CNTN4: variants seen among roughly 807,000 people sequenced by gnomAD.
CNTN4 encodes the protein contactin 4.
CNTN4 carries 77 observed loss-of-function variants against 122.5 expected under a neutral mutation model. The observed-to-expected ratio is 0.63, with a 90% CI of 0.52 to 0.76. The LOEUF is 0.76. Among genes scored for constraint, CNTN4 ranks in the 30% least tolerant of loss-of-function variants. The pLI is 0.00. For missense variants in CNTN4, 1,256 were observed against 1,259.1 expected (o/e 1.00, Z 0.04); for synonymous variants, 512 against 447.0 (o/e 1.15, Z -1.83).
At chr3:2,712,514 A>G (rs186823612) in intron 4 of CNTN4, among the ~76,000 whole-genome samples, 17 of 152,310 alleles carry the variant, frequency 1.1e-4, no homozygotes, top group Admixed American at 7.8e-4. Context: ...TTTATTTAAT[A>G]TAAGTTTTAT....
intron 2 of CNTN4, among the ~76,000 whole-genome samples, chr3:2,142,647 T>A (rs949966204): frequency 1.3e-5 from 2 of 152,200 alleles, no homozygotes; most frequent in Non-Finnish European, 2.9e-5. Flanking sequence ...CTGGCTGATA[T>A]GCTTTCATTT....
chr3:2,353,232 G>A (rs1355469555), intron 3 of CNTN4, among the ~76,000 whole-genome samples: 4 of 152,130 alleles, frequency 2.6e-5, no homozygotes, highest in Admixed American at 6.5e-5. Context: ...CTAGAGGACT[G>A]TAAATGCACC....
At chr3:2,820,997 T>C (rs905215257) in intron 7 of CNTN4, among the ~76,000 whole-genome samples, 2 of 143,704 alleles carry the variant, frequency 1.4e-5, no homozygotes, top group African/African-American at 5.5e-5. Context: ...AGTCTCGCTT[T>C]GTCACCCAAT....
intron 5 of CNTN4, among the ~76,000 whole-genome samples, chr3:2,739,493 A>G (rs1468064138): frequency 6.6e-6 from 1 of 151,402 alleles, no homozygotes; most frequent in Non-Finnish European, 1.5e-5. Context: ...TCTCAAGAAC[A>G]TAATTTTGAG....
intron 4 of CNTN4, 176 bp from the exon 5 acceptor site, chr3:2,736,039 C>A: frequency 1.3e-6 from 1 of 749,130 alleles, no homozygotes; most frequent in Non-Finnish European, 2.4e-6. Context: ...TCATCATAAT[C>A]CACAGAAGAT....
chr3:2,693,195 G>C (rs2085838209), intron 4 of CNTN4, among the ~76,000 whole-genome samples: 1 of 151,896 alleles, frequency 6.6e-6, no homozygotes, highest in Admixed American at 6.6e-5. Flanking sequence ...TTGTTTCTTT[G>C]AGCTAAAATT....
chr3:3,004,250 A>G (rs1696371849), intron 14 of CNTN4, among the ~76,000 whole-genome samples: 1 of 151,910 alleles, frequency 6.6e-6, no homozygotes, highest in Non-Finnish European at 1.5e-5. Context: ...AGAGCTTGAC[A>G]TATTCTTAGG....
At chr3:2,615,588 A>T (rs1002287249) in intron 4 of CNTN4, among the ~76,000 whole-genome samples, 46 of 152,340 alleles carry the variant, frequency 3.0e-4, no homozygotes, top group African/African-American at 1.1e-3. Flanking sequence ...TCTAAAAAAA[A>T]ACTTAGAGGG....
chr3:2,585,475 G>A (rs1056112920), intron 4 of CNTN4, among the ~76,000 whole-genome samples: 18 of 152,200 alleles, frequency 1.2e-4, no homozygotes, highest in African/African-American at 2.6e-4. Flanking sequence ...TTAAGAAAAC[G>A]TGGCACATGT....
intron 4 of CNTN4, among the ~76,000 whole-genome samples, chr3:2,726,297 C>T (rs1253622529): frequency 6.6e-6 from 1 of 152,110 alleles, no homozygotes; most frequent in Non-Finnish European, 1.5e-5. Context: ...CCAATTTAAC[C>T]AAGAAAATGG....
At chr3:2,625,316 C>A (rs1030082856) in intron 4 of CNTN4, among the ~76,000 whole-genome samples, 1 of 152,114 alleles carries the variant, frequency 6.6e-6, no homozygotes, top group Non-Finnish European at 1.5e-5. Context: ...ATATTCTATT[C>A]TAAAACTATT....
At chr3:2,334,906 C>A (rs2043881522) in intron 2 of CNTN4, among the ~76,000 whole-genome samples, 1 of 152,114 alleles carries the variant, frequency 6.6e-6, no homozygotes, top group South Asian at 2.1e-4. Context: ...TAATAAATAA[C>A]CGACACACCT....
rs1183619874 is a variant in CNTN4, at chr3:2,877,630, C to T, written c.653-5515C>T. Among the ~76,000 whole-genome samples the T allele has an allele frequency of 3.9e-5, 6 of 152,022 alleles. No individual in the cohort carries two copies. In the East Asian group the frequency reaches 1.2e-3, roughly 29 times the overall value. On this transcript the variant is annotated intron_variant, in intron 8 of 24. Transcript: ENST00000418658. ...TCTACTTTGCCTTGGTTGTGTAGAC[C>T]TGGGTAGGTCTTTACATCTTCCCAC...
At chr3:2,646,291 C>T (rs1306367363) in intron 4 of CNTN4, among the ~76,000 whole-genome samples, 1 of 152,098 alleles carries the variant, frequency 6.6e-6, no homozygotes, top group East Asian at 1.9e-4. Flanking sequence ...TCTAGGACTT[C>T]ATAGTATTTT....
At chr3:2,170,020 A>C (rs1348210458) in intron 2 of CNTN4, among the ~76,000 whole-genome samples, 1 of 152,156 alleles carries the variant, frequency 6.6e-6, no homozygotes, top group Non-Finnish European at 1.5e-5. Context: ...AATACTTGCA[A>C]GAATCAAAAA....
At chr3:2,449,980 C>T (rs2048766826) in intron 3 of CNTN4, among the ~76,000 whole-genome samples, 1 of 152,114 alleles carries the variant, frequency 6.6e-6, no homozygotes, top group Non-Finnish European at 1.5e-5. Context: ...TGGGTATAGA[C>T]TGTCAGTCAG....
At chr3:2,978,696 G>C (rs1412438043) in intron 13 of CNTN4, among the ~76,000 whole-genome samples, 1 of 152,170 alleles carries the variant, frequency 6.6e-6, no homozygotes, top group Non-Finnish European at 1.5e-5. Flanking sequence ...CCTGCCTTGT[G>C]ATGTACGTGA....
intron 3 of CNTN4, among the ~76,000 whole-genome samples, chr3:2,347,978 G>T (rs1220281990): frequency 1.3e-5 from 2 of 151,304 alleles, no homozygotes; most frequent in African/African-American, 2.4e-5. Context: ...TGTTTATACT[G>T]TATGTTTCTT....
At chr3:2,344,530 A>C (rs1340754972) in intron 3 of CNTN4, among the ~76,000 whole-genome samples, 3 of 152,070 alleles carry the variant, frequency 2.0e-5, no homozygotes, top group Non-Finnish European at 4.4e-5. Context: ...CACCCGCTTC[A>C]GCCTCCCAAA....
Sources: gnomAD v4.1 joint callset for allele counts (sites outside exome capture counted in the v4.1 genomes callset) on GRCh38, gnomAD v4.1.1 for gene constraint, MANE v1.5 for transcripts, NCBI Gene and HGNC (gene_info 2026-07-23, HGNC 2026-07-21) for gene names.